SLC38A6: variants seen among roughly 807,000 people sequenced by gnomAD.
SLC38A6 encodes solute carrier family 38 member 6, also known as N system amino acid transporter NAT-1.
In SLC38A6, 73 loss-of-function variants were observed where a neutral mutation model predicts 65.0. That is an observed-to-expected ratio of 1.12 (90% confidence interval 0.93 to 1.37). The LOEUF (loss-of-function observed/expected upper bound fraction) is 1.37, where lower values mean the gene tolerates loss of function less well. Ranked by LOEUF, SLC38A6 falls within the 40% of genes most tolerant of loss-of-function variation. SLC38A6 has a pLI of 0.00. For synonymous variants in SLC38A6, 183 were observed against 178.8 expected (o/e 1.02, Z -0.19); for missense variants, 561 against 531.1 (o/e 1.06, Z -0.55).
intron 6 of SLC38A6, among the ~76,000 whole-genome samples, chr14:61,032,766 A>G (rs2139681521): frequency 6.6e-6 from 1 of 152,046 alleles, no homozygotes; most frequent in Admixed American, 6.6e-5. Context: ...TGACTTTACT[A>G]TCCATAAAGG....
At chr14:61,036,591 A>G (rs1473339226) in intron 6 of SLC38A6, among the ~76,000 whole-genome samples, 2 of 152,198 alleles carry the variant, frequency 1.3e-5, no homozygotes, top group Non-Finnish European at 2.9e-5. Context: ...CACATGTTCT[A>G]CGGAACTTAA....
rs774723703 is a variant in SLC38A6 at position 61,037,141 on chromosome 14, G to C, written c.565G>C (p.Gly189Arg). Residue 189 changes from glycine (G) to arginine (R), a missense_variant and splice_region_variant, in exon 7 of 16, where the codon GGC (glycine) becomes CGC (arginine). By Grantham distance (125) the Gly-to-Arg change is moderately radical. Coordinates refer to ENST00000267488, the MANE Select transcript of SLC38A6 (RefSeq NM_153811.3). ...CCCTCTTGCACTTCTTCCCAAAATA[G>C]GTAAGTCTTTATAGAGCACATTATT... ...VFPLALLPKI[G>R]FLGYTSSLSF... 6.3e-7 allele frequency: 1 copy of C among 1,592,008 alleles called. No homozygotes were observed. Among genetic ancestry groups the C allele is most frequent in the South Asian group, 1.1e-5 (1 of 87,632 alleles).
At chr14:61,005,497 A>T (rs2039034898) in intron 3 of SLC38A6, among the ~76,000 whole-genome samples, 2 of 150,938 alleles carry the variant, frequency 1.3e-5, no homozygotes, top group Admixed American at 6.6e-5. Context: ...CAGGATACAA[A>T]ATCAATGTAC....
At chr14:60,986,503 G>T (rs541070412) in intron 3 of SLC38A6, among the ~76,000 whole-genome samples, 12 of 152,346 alleles carry the variant, frequency 7.9e-5, no homozygotes, top group Non-Finnish European at 1.2e-4. Flanking sequence ...TGGCCATCCA[G>T]TGCACGCCTT....
At chr14:61,072,248 T>G (rs1362896938) in intron 15 of SLC38A6, among the ~76,000 whole-genome samples, 1 of 152,144 alleles carries the variant, frequency 6.6e-6, no homozygotes, top group African/African-American at 2.4e-5. Flanking sequence ...TTTTTAATCT[T>G]TGTGAGTACA....
intron 5 of SLC38A6, among the ~76,000 whole-genome samples, 178 bp from the exon 6 acceptor site, chr14:61,030,267 G>C (rs1594655959): frequency 6.4e-5 from 1 of 15,748 alleles, no homozygotes; most frequent in Non-Finnish European, 2.5e-4. Flanking sequence ...ACTTTTCTGT[G>C]TGTGTGTGTG....
chr14:61,044,773 C>CT (rs2042033995), intron 10 of SLC38A6, among the ~76,000 whole-genome samples: 1 of 152,110 alleles, frequency 6.6e-6, no homozygotes, highest in Admixed American at 6.6e-5. Context: ...CATTGGATCT[C>CT]TTAAGAGTTT....
At chr14:61,019,381 T>C (rs2040216889) in intron 4 of SLC38A6, among the ~76,000 whole-genome samples, 160 bp from the exon 5 acceptor site, 1 of 152,198 alleles carries the variant, frequency 6.6e-6, no homozygotes. Flanking sequence ...GTGATGATTA[T>C]TAATTTTATG....
chr14:61,006,719 TTGG>T (rs1359628613), intron 3 of SLC38A6, among the ~76,000 whole-genome samples: 3 of 152,208 alleles, frequency 2.0e-5, no homozygotes, highest in Non-Finnish European at 4.4e-5. Context: ...ACTTACACTG[TTGG>T]TGGGACTGTA....
chr14:61,000,474 A>G (rs2038629373), intron 3 of SLC38A6, among the ~76,000 whole-genome samples: 1 of 152,182 alleles, frequency 6.6e-6, no homozygotes, highest in Admixed American at 6.5e-5. Context: ...TACTAAAACT[A>G]CAAAAAATTA....
chr14:61,082,380 G>C (rs150969360), intron 16 of SLC38A6, among the ~76,000 whole-genome samples: 6 of 152,302 alleles, frequency 3.9e-5, no homozygotes, highest in African/African-American at 7.2e-5. Context: ...CTGTTGCCAT[G>C]ATGGGTCTCT....
intron 16 of SLC38A6, among the ~76,000 whole-genome samples, chr14:61,082,282 C>G (rs1183496186): frequency 6.6e-6 from 1 of 152,210 alleles, no homozygotes; most frequent in Non-Finnish European, 1.5e-5. Flanking sequence ...GTCACAGCTC[C>G]AGTGAGCCTA....
intron 16 of SLC38A6, among the ~76,000 whole-genome samples, chr14:61,080,751 C>T (rs1036327428): frequency 3.9e-5 from 6 of 152,172 alleles, no homozygotes; most frequent in African/African-American, 7.2e-5. Flanking sequence ...GCTGCTGCAC[C>T]GGGCCCTGGT....
chr14:61,030,290 TG>T (rs2040886462), intron 5 of SLC38A6, among the ~76,000 whole-genome samples, 154 bp from the exon 6 acceptor site: 2 of 151,932 alleles, frequency 1.3e-5, no homozygotes, highest in Non-Finnish European at 2.9e-5. Context: ...TGTGTGTGTG[TG>T]TGTGTGTGTA....
In SLC38A6 at chr14:61,030,437, T is replaced by C; in HGVS notation, c.404-8T>C. 1 of 1,591,494 alleles carries C rather than the reference T, an allele frequency of 6.3e-7. No homozygotes were observed. Among genetic ancestry groups the C allele is most frequent in the Non-Finnish European group, 8.6e-7 (1 of 1,168,474 alleles). ...ATTCTAATAGGAACACTATTTATTC[T>C]TTTGCAGCTATGTCATCTTATCTTT... is the stretch of plus-strand genomic sequence containing the variant. On this transcript the variant is annotated splice_region_variant and splice_polypyrimidine_tract_variant and intron_variant, in intron 5 of 15. Transcript: ENST00000267488.
intron 16 of SLC38A6, among the ~76,000 whole-genome samples, chr14:61,081,599 C>T (rs769153196): frequency 2.0e-5 from 3 of 152,096 alleles, no homozygotes; most frequent in Admixed American, 6.5e-5. Flanking sequence ...GCAGGAGAAT[C>T]GCTTGAACCC....
rs557669035 is a variant in SLC38A6 at position 61,072,035 on chromosome 14, G to T, written c.1291-6775G>T. Reference sequence around the variant, plus strand: ...TTAGGCGAGATGCTTAGTCTATTTTGTGTTGCTGGAGCCTGGGAAATCCAA... The same window carrying T: ...TTAGGCGAGATGCTTAGTCTATTTTTTGTTGCTGGAGCCTGGGAAATCCAA... On this transcript the variant is annotated intron_variant, in intron 15 of 16. Transcript: ENST00000354886. 2.6e-5 allele frequency among the ~76,000 whole-genome samples: 4 copies of T among 152,192 alleles called. 1 individual carries two copies. The highest frequency in any genetic ancestry group is 9.6e-5 in the African/African-American group (4 of 41,520).
In SLC38A6 at chr14:60,993,774, C is replaced by T. The variant is rs148195768; in HGVS notation, c.310+8971C>T. Among the ~76,000 whole-genome samples the T allele has an allele frequency of 2.9e-3, 442 of 152,314 alleles. 4 individuals are homozygous for T. The highest frequency in any genetic ancestry group is 0.02 in the Middle Eastern group (6 of 294). On this transcript the variant is annotated intron_variant, in intron 3 of 15. Coordinates refer to ENST00000267488, the MANE Select transcript of SLC38A6 (RefSeq NM_153811.3). ...GCTTGTATTTAGTCTTTTAATGCAT[C>T]ACACTTACGTCAAGAAATAGCCAAG...
At chr14:60,994,821 T>C (rs1439378804) in intron 3 of SLC38A6, among the ~76,000 whole-genome samples, 1 of 150,906 alleles carries the variant, frequency 6.6e-6, no homozygotes, top group Non-Finnish European at 1.5e-5. Context: ...CTGGCCAACA[T>C]GGTGAAACCC....
Sources: allele counts gnomAD v4.1 joint callset (sites outside exome capture counted in the v4.1 genomes callset), GRCh38; gene constraint gnomAD v4.1.1; transcripts MANE v1.5; gene names NCBI Gene and HGNC (gene_info 2026-07-23, HGNC 2026-07-21).